The following RPA3 variants were observed in gnomAD, a reference collection of about 807,000 sequenced individuals.
RPA3 encodes replication protein A3, also known as replication protein A 14 kDa subunit.
In RPA3, 24 loss-of-function variants were observed where a neutral mutation model predicts 13.7. The observed-to-expected ratio is 1.75, with a 90% CI of 1.27 to 2.46. The LOEUF (loss-of-function observed/expected upper bound fraction) is 2.46, where lower values mean the gene tolerates loss of function less well. RPA3 is among the 30% of genes most tolerant of loss of function. The pLI is 0.00. For synonymous variants in RPA3, 59 were observed against 51.2 expected, an observed-to-expected ratio of 1.15 and a Z score of -0.65; for missense variants, 183 against 151.0, an observed-to-expected ratio of 1.21 and a Z score of -1.11.
chr7:7,654,726 A>T (rs923325632), intron 4 of RPA3, among the ~76,000 whole-genome samples: 2 of 152,120 alleles, frequency 1.3e-5, no homozygotes, highest in Non-Finnish European at 2.9e-5. Flanking sequence ...AATATGGTGA[A>T]ACCCCATCTC....
intron 2 of RPA3, among the ~76,000 whole-genome samples, chr7:7,701,024 T>C (rs1780448690): frequency 1.3e-5 from 2 of 152,204 alleles, no homozygotes; most frequent in Admixed American, 1.3e-4. Flanking sequence ...CACTCCAGCA[T>C]GGGCAACAGA....
chr7:7,701,143 A>G (rs1039130533), intron 2 of RPA3, among the ~76,000 whole-genome samples: 1 of 152,190 alleles, frequency 6.6e-6, no homozygotes, highest in African/African-American at 2.4e-5. Context: ...ACATTTAATA[A>G]ACATGTTCTG....
chr7:7,702,917 G>C (rs1419195975), intron 2 of RPA3, among the ~76,000 whole-genome samples: 2 of 152,152 alleles, frequency 1.3e-5, no homozygotes, highest in Non-Finnish European at 2.9e-5. Context: ...CTAGCTACAG[G>C]GGAAAATCAT....
At chr7:7,666,874 C>T (rs1013709332) in intron 4 of RPA3, among the ~76,000 whole-genome samples, 27 of 152,074 alleles carry the variant, frequency 1.8e-4, no homozygotes, top group African/African-American at 6.5e-4. Flanking sequence ...GGTGGGGTCT[C>T]AGCTCACTGC....
intron 2 of RPA3, among the ~76,000 whole-genome samples, chr7:7,706,798 C>T (rs1780612725): frequency 6.6e-6 from 1 of 152,140 alleles, no homozygotes; most frequent in Non-Finnish European, 1.5e-5. Context: ...TGCTCTTAAT[C>T]CGTATGTTCT....
chr7:7,716,913 C>T (rs1780923046), intron 1 of RPA3, among the ~76,000 whole-genome samples: 1 of 152,088 alleles, frequency 6.6e-6, no homozygotes, highest in South Asian at 2.1e-4. Flanking sequence ...CTGGTCTGAT[C>T]AATCTCTCGT....
chr7:7,636,947 C>T lies in RPA3; in HGVS notation c.*53G>A, dbSNP rs1181728032. The T allele has an allele frequency of 1.8e-5, 23 of 1,291,586 alleles. No individual in the cohort carries two copies. The highest frequency in any genetic ancestry group is 2.3e-5 in the Non-Finnish European group (21 of 895,786). The allele number at this position is 1,291,586 out of a possible 1,614,324, so 80.0% of individuals were successfully genotyped here. A position where few individuals can be genotyped will look rare whatever the true frequency, so the allele number is the denominator to read the frequency against. ...CTCTCCCTCAAACAAGAAGGGCTTC[C>T]TTTAATAGACTTTAATATAGCTCAT... is the stretch of plus-strand genomic sequence containing the variant. On this transcript the variant is annotated 3_prime_UTR_variant, in exon 8 of 8. Coordinates refer to ENST00000223129, the MANE Select transcript of RPA3 (RefSeq NM_002947.5).
chr7:7,717,002 T>G (rs1001217947), intron 1 of RPA3, among the ~76,000 whole-genome samples: 4 of 151,984 alleles, frequency 2.6e-5, no homozygotes, highest in African/African-American at 9.7e-5. Flanking sequence ...TCGGGACCCC[T>G]TCCTCTGCAC....
intron 4 of RPA3, among the ~76,000 whole-genome samples, chr7:7,665,856 A>G (rs890633066): frequency 6.8e-6 from 1 of 147,428 alleles, no homozygotes; most frequent in Non-Finnish European, 1.5e-5. Flanking sequence ...TGCATGTTGT[A>G]GCATGTATCA....
At chr7:7,648,903 A>G (rs2115548094) in intron 4 of RPA3, among the ~76,000 whole-genome samples, 1 of 152,108 alleles carries the variant, frequency 6.6e-6, no homozygotes, top group Non-Finnish European at 1.5e-5. Context: ...TCACACTTGT[A>G]ATCCCAGCAC....
intron 4 of RPA3, among the ~76,000 whole-genome samples, chr7:7,665,735 C>A (rs762053922): frequency 3.3e-5 from 5 of 152,084 alleles, no homozygotes; most frequent in Non-Finnish European, 7.3e-5. Context: ...TACTTTCTTT[C>A]ACTGTACACT....
At chr7:7,656,024 G>A (rs1345190061) in intron 4 of RPA3, among the ~76,000 whole-genome samples, 3 of 151,932 alleles carry the variant, frequency 2.0e-5, no homozygotes, top group Non-Finnish European at 2.9e-5. Flanking sequence ...TAGTAGAGAC[G>A]GGGTTTCTCC....
chr7:7,682,480 G>A (rs1331378025), intron 4 of RPA3, among the ~76,000 whole-genome samples: 1 of 151,998 alleles, frequency 6.6e-6, no homozygotes, highest in Non-Finnish European at 1.5e-5. Flanking sequence ...TCGCTGTGTT[G>A]TTTCCTTTAT....
At chr7:7,646,166 G>A (rs1352169665) in intron 4 of RPA3, among the ~76,000 whole-genome samples, 1 of 152,138 alleles carries the variant, frequency 6.6e-6, no homozygotes, top group African/African-American at 2.4e-5. Flanking sequence ...GCCTTTTTGG[G>A]TTCCCACACC....
chr7:7,703,173 C>A lies in RPA3; in HGVS notation c.-1028+12002G>T, dbSNP rs886539526. Among the ~76,000 whole-genome samples the A allele has an allele frequency of 4.6e-5, 7 of 152,220 alleles. No individual in the cohort carries two copies. The East Asian group carries it at 1.2e-3, about 25-fold the overall frequency. On this transcript the variant is annotated intron_variant, in intron 2 of 7. Coordinates refer to ENST00000223129, the MANE Select transcript of RPA3 (RefSeq NM_002947.5). ...ATTTGCCGAAAATAATTACTGGTGC[C>A]CACTAAAATGGTGATTAAAATCCAC...
chr7:7,685,792 T>G (rs1416831482), intron 4 of RPA3, 38 bp downstream of exon 4: 1 of 152,256 alleles, frequency 6.6e-6, no homozygotes, highest in African/African-American at 2.4e-5. Context: ...TTAAGTGTTT[T>G]CTTCCTTCAT....
chr7:7,645,979 C>A (rs547831586), intron 4 of RPA3, among the ~76,000 whole-genome samples: 3 of 152,064 alleles, frequency 2.0e-5, no homozygotes, highest in Admixed American at 6.6e-5. Context: ...GCTCGGCTGC[C>A]GTGTACTCAA....
intron 4 of RPA3, among the ~76,000 whole-genome samples, chr7:7,656,747 C>T (rs1785353205): frequency 6.6e-6 from 1 of 152,066 alleles, no homozygotes; most frequent in Non-Finnish European, 1.5e-5. Context: ...TCCAAGTCTG[C>T]TGTTGTGAAC....
intron 4 of RPA3, among the ~76,000 whole-genome samples, chr7:7,645,965 G>A (rs959581636): frequency 2.6e-5 from 4 of 152,060 alleles, no homozygotes; most frequent in South Asian, 2.1e-4. Flanking sequence ...GGTGTGGCTC[G>A]TTTGCTCGGC....
Sources: gnomAD v4.1 joint callset for allele counts (sites outside exome capture counted in the v4.1 genomes callset) on GRCh38, gnomAD v4.1.1 for gene constraint, MANE v1.5 for transcripts, NCBI Gene and HGNC (gene_info 2026-07-23, HGNC 2026-07-21) for gene names.